The following SAMD12 variants were observed in gnomAD, a reference collection of about 807,000 sequenced individuals.
The protein encoded by SAMD12 is sterile alpha motif domain-containing protein 12.
Under a neutral mutation model 15.0 loss-of-function variants are expected in SAMD12, and 9 were observed. The ratio of observed to expected loss-of-function variants is 0.60; its 90% CI spans 0.36 to 1.05. SAMD12 has a LOEUF of 1.05. SAMD12 is among the 50% of genes least tolerant of loss of function. SAMD12 has a pLI of 0.01. For missense variants in SAMD12, 230 were observed against 234.2 expected, an observed-to-expected ratio of 0.98 and a Z score of 0.12; for synonymous variants, 86 against 90.1, an observed-to-expected ratio of 0.96 and a Z score of 0.25.
chr8:118,431,687 C>CGT (rs56898456), intron 3 of SAMD12, among the ~76,000 whole-genome samples: 14,546 of 146,548 alleles, frequency 0.099, 713 homozygotes, highest in Non-Finnish European at 0.12. Context: ...TTACCTTTGT[C>CGT]GTGTGTGTGT....
At chr8:118,361,491 G>A (rs1455722442) in intron 4 of SAMD12, among the ~76,000 whole-genome samples, 1 of 152,092 alleles carries the variant, frequency 6.6e-6, no homozygotes, top group Non-Finnish European at 1.5e-5. Context: ...TACTCAATAA[G>A]TAATCCTTTA....
chr8:118,288,478 A>C (rs1056924598), intron 4 of SAMD12: 1 of 152,204 alleles, frequency 6.6e-6, no homozygotes, highest in Admixed American at 6.5e-5. Flanking sequence ...TAAAGTTTGC[A>C]ACCTTTGGAG....
At chr8:118,603,296 G>C (rs1827904266) in intron 1 of SAMD12, among the ~76,000 whole-genome samples, 1 of 152,098 alleles carries the variant, frequency 6.6e-6, no homozygotes, top group African/African-American at 2.4e-5. Context: ...CAACACAGTG[G>C]ACAAAATAGA....
intron 3 of SAMD12, among the ~76,000 whole-genome samples, chr8:118,424,929 T>C (rs1822176014): frequency 7.0e-6 from 1 of 143,320 alleles, no homozygotes; most frequent in Admixed American, 7.6e-5. Flanking sequence ...AGAGAGCATG[T>C]GGTATATTAA....
intron 4 of SAMD12, among the ~76,000 whole-genome samples, chr8:118,345,788 A>G (rs1211587143): frequency 6.6e-6 from 1 of 152,234 alleles, no homozygotes; most frequent in African/African-American, 2.4e-5. Context: ...GTCTAGGCAT[A>G]CAAAGTAGGG....
chr8:118,418,233 G>A (rs924078478), intron 3 of SAMD12, among the ~76,000 whole-genome samples: 1 of 152,180 alleles, frequency 6.6e-6, no homozygotes, highest in African/African-American at 2.4e-5. Context: ...AGCCTGGCCT[G>A]GTTTCACCCT....
At chr8:118,176,969 T>A in the SAMD12 span, among the ~76,000 whole-genome samples, 3 of 152,206 alleles carry the variant, frequency 2.0e-5, no homozygotes, top group African/African-American at 7.2e-5. Context: ...TCTCTACAGA[T>A]GTGGCATTTG....
At chr8:118,292,849 A>G (rs866262713) in intron 4 of SAMD12, among the ~76,000 whole-genome samples, 188 of 144,348 alleles carry the variant, frequency 1.3e-3, no homozygotes, top group African/African-American at 4.5e-3. Context: ...GGAACTGAAC[A>G]ATGAGATCAC....
At chr8:118,535,636 C>G (rs952227597) in intron 2 of SAMD12, among the ~76,000 whole-genome samples, 5 of 152,234 alleles carry the variant, frequency 3.3e-5, no homozygotes, top group Non-Finnish European at 7.3e-5. Flanking sequence ...CCTACTCAAG[C>G]CTCAGCAATG....
intron 2 of SAMD12, among the ~76,000 whole-genome samples, chr8:118,443,414 T>C (rs1035237512): frequency 6.6e-6 from 1 of 151,886 alleles, no homozygotes; most frequent in African/African-American, 2.4e-5. Flanking sequence ...GCAGAGATCG[T>C]GCCATTGTAC....
chr8:118,170,702 T>C, the SAMD12 span, among the ~76,000 whole-genome samples: 26 of 152,134 alleles, frequency 1.7e-4, no homozygotes, highest in Non-Finnish European at 3.2e-4. Flanking sequence ...AAGATGTAGA[T>C]GTAGAAGATA....
intron 2 of SAMD12, among the ~76,000 whole-genome samples, chr8:118,472,788 C>G (rs1033739716): frequency 6.6e-6 from 1 of 150,746 alleles, no homozygotes. Context: ...AGTAAAAAAG[C>G]CTGGTATACA....
At chr8:118,303,660 CT>C (rs1002222301) in intron 4 of SAMD12, among the ~76,000 whole-genome samples, 33 of 149,674 alleles carry the variant, frequency 2.2e-4, no homozygotes, top group South Asian at 6.4e-4. Flanking sequence ...CAGACGTTGA[CT>C]TTTTTTTTTC....
chr8:118,301,151 T>C (rs1377745459), intron 4 of SAMD12, among the ~76,000 whole-genome samples: 1 of 151,998 alleles, frequency 6.6e-6, no homozygotes, highest in African/African-American at 2.4e-5. Flanking sequence ...AAAAACTATA[T>C]AAAAACCTTA....
rs577045086 is a variant in SAMD12, at chr8:118,294,550, A to G, written c.433+85010T>C. On this transcript the variant is annotated intron_variant, in intron 4 of 4. Coordinates refer to the SAMD12 transcript ENST00000409003. ...AGGTATTTTTCAGTGTGACATTAATAATTTATGAATAGGCCAGCACACAAA... is the reference window on the plus strand; with the variant it reads ...AGGTATTTTTCAGTGTGACATTAATGATTTATGAATAGGCCAGCACACAAA... 5.3e-5 allele frequency among the ~76,000 whole-genome samples: 8 copies of G among 152,308 alleles called. No individual in the cohort carries two copies. In the South Asian group the frequency reaches 1.7e-3, roughly 32 times the overall value.
intron 2 of SAMD12, among the ~76,000 whole-genome samples, chr8:118,490,985 C>T (rs1824426339): frequency 6.6e-6 from 1 of 151,700 alleles, no homozygotes; most frequent in Non-Finnish European, 1.5e-5. Flanking sequence ...CTCTGCTACA[C>T]CAGTTATATA....
At chr8:118,425,271 C>A (rs1394939078) in intron 3 of SAMD12, among the ~76,000 whole-genome samples, 1 of 152,074 alleles carries the variant, frequency 6.6e-6, no homozygotes, top group Non-Finnish European at 1.5e-5. Context: ...AAAATGGGAG[C>A]AAAACCAAGG....
At chr8:118,136,837 G>A in the SAMD12 span, among the ~76,000 whole-genome samples, 6 of 152,166 alleles carry the variant, frequency 3.9e-5, no homozygotes, top group East Asian at 1.9e-4. Context: ...TAATCAATCC[G>A]CAAGGAAGAA....
At chr8:118,351,665 T>A (rs1413831736) in intron 4 of SAMD12, among the ~76,000 whole-genome samples, 2 of 152,158 alleles carry the variant, frequency 1.3e-5, no homozygotes, top group African/African-American at 4.8e-5. Context: ...AGTTCCTTTC[T>A]GGGAGCAGAA....
Sources: gnomAD v4.1 joint callset for allele counts (sites outside exome capture counted in the v4.1 genomes callset) on GRCh38, gnomAD v4.1.1 for gene constraint, MANE v1.5 for transcripts, NCBI Gene and HGNC (gene_info 2026-07-23, HGNC 2026-07-21) for gene names.